Variants in CTNNA3 observed in about 807,000 individuals in gnomAD.
CTNNA3 encodes catenin alpha 3.
Under a neutral mutation model 95.7 loss-of-function variants are expected in CTNNA3, and 76 were observed. The observed-to-expected ratio is 0.79, with a 90% CI of 0.66 to 0.96. CTNNA3 has a LOEUF of 0.96. CTNNA3 is among the 40% of genes least tolerant of loss of function. The pLI is 0.00. For synonymous variants in CTNNA3, 431 were observed against 374.4 expected (o/e 1.15, Z -1.74); for missense variants, 1,191 against 1,089.8 (o/e 1.09, Z -1.31).
At chr10:66,499,454 T>C (rs1840205410) in intron 11 of CTNNA3, among the ~76,000 whole-genome samples, 1 of 152,134 alleles carries the variant, frequency 6.6e-6, no homozygotes, top group African/African-American at 2.4e-5. Flanking sequence ...ATGGCATCCA[T>C]ATTTTGACAT....
rs185945260 is a variant in CTNNA3, at chr10:66,634,884, T to C, written c.1282-13100A>G. On this transcript the variant is annotated intron_variant, in intron 9 of 17. Coordinates refer to ENST00000433211, the MANE Select transcript of CTNNA3 (RefSeq NM_013266.4). ...GATGAAAACACACATACACACAAACTCAAACATATTTGGCTGTTACAGTAT... is the reference window on the plus strand; with the variant it reads ...GATGAAAACACACATACACACAAACCCAAACATATTTGGCTGTTACAGTAT... 5.3e-5 allele frequency among the ~76,000 whole-genome samples: 8 copies of C among 152,188 alleles called. No homozygotes were observed. The East Asian group carries it at 1.5e-3, about 29-fold the overall frequency.
intron 7 of CTNNA3, among the ~76,000 whole-genome samples, chr10:67,051,188 T>A (rs1240217861): frequency 6.6e-6 from 1 of 152,144 alleles, no homozygotes; most frequent in Non-Finnish European, 1.5e-5. Flanking sequence ...CCTGGGTGAA[T>A]TATTATTCCT....
intron 7 of CTNNA3, among the ~76,000 whole-genome samples, chr10:66,785,932 C>T (rs1840722418): frequency 6.6e-6 from 1 of 152,078 alleles, no homozygotes; most frequent in African/African-American, 2.4e-5. Context: ...TTCAGGTGAG[C>T]TTGTGCAAAG....
chr10:66,551,677 A>G (rs970853332), intron 10 of CTNNA3, among the ~76,000 whole-genome samples: 2 of 151,990 alleles, frequency 1.3e-5, no homozygotes, highest in Non-Finnish European at 2.9e-5. Flanking sequence ...GGATCTTGTA[A>G]TACTCTGAAG....
rs925266401 is a variant in CTNNA3, at chr10:66,183,765, A to C, written c.1885-80516T>G. 5.9e-5 allele frequency among the ~76,000 whole-genome samples: 9 copies of C among 152,280 alleles called. No individual in the cohort carries two copies. In the East Asian group the frequency reaches 1.7e-3, roughly 29 times the overall value. ...TTCTTTTTGGTTAGTAGTAAAAGGA[A>C]TCTTTTGTGGGTTTTATTGATACCA... On this transcript the variant is annotated intron_variant, in intron 13 of 17. Transcript: ENST00000433211.
At chr10:67,164,813 A>T (rs1861689607) in intron 7 of CTNNA3, among the ~76,000 whole-genome samples, 1 of 152,212 alleles carries the variant, frequency 6.6e-6, no homozygotes, top group Non-Finnish European at 1.5e-5. Flanking sequence ...TGGCTATTAG[A>T]ATGAAGATCA....
intron 13 of CTNNA3, among the ~76,000 whole-genome samples, chr10:66,189,386 A>G (rs2086529641): frequency 6.7e-6 from 1 of 150,334 alleles, no homozygotes. Flanking sequence ...TTTTGAGTTG[A>G]TTTTGTGTAT....
At chr10:66,649,583 G>C (rs553110315) in intron 9 of CTNNA3, among the ~76,000 whole-genome samples, 1 of 152,128 alleles carries the variant, frequency 6.6e-6, no homozygotes, top group African/African-American at 2.4e-5. Context: ...CCAACTTCAC[G>C]CAGGCACCTA....
At chr10:66,826,382 T>A (rs1842516090) in intron 7 of CTNNA3, among the ~76,000 whole-genome samples, 1 of 152,174 alleles carries the variant, frequency 6.6e-6, no homozygotes, top group African/African-American at 2.4e-5. Context: ...GCTCAAGTGA[T>A]CCTTTCACTT....
At chr10:67,745,727 CT>C (rs1346953618) in intron 1 of CTNNA3, among the ~76,000 whole-genome samples, 3 of 151,926 alleles carry the variant, frequency 2.0e-5, no homozygotes, top group African/African-American at 7.3e-5. Context: ...TTCAGTAAAG[CT>C]TCAGAGTACT....
At chr10:67,089,126 A>G (rs1857481143) in intron 7 of CTNNA3, among the ~76,000 whole-genome samples, 1 of 151,972 alleles carries the variant, frequency 6.6e-6, no homozygotes, top group South Asian at 2.1e-4. Flanking sequence ...GACCCCCCAT[A>G]GGTTTTGCTA....
chr10:65,988,308 T>C lies in CTNNA3; in HGVS notation c.2265+384A>G. ...ACTCTACAAAGGCAATTATTATATG[T>C]CAATTAAAAATAAAACATAATGAAA... On this transcript the variant is annotated intron_variant, in intron 16 of 17. Coordinates refer to ENST00000433211, the MANE Select transcript of CTNNA3 (RefSeq NM_013266.4). Among the ~76,000 whole-genome samples the C allele has an allele frequency of 1.3e-5, 2 of 152,020 alleles. 1 individual carries two copies. The highest frequency in any genetic ancestry group is 3.9e-4 in the East Asian group (2 of 5,190).
chr10:67,224,770 G>A (rs1864816289), intron 5 of CTNNA3, among the ~76,000 whole-genome samples: 1 of 152,202 alleles, frequency 6.6e-6, no homozygotes, highest in Admixed American at 6.5e-5. Context: ...GATCCACTGG[G>A]AGGGCAGCCA....
chr10:67,534,169 C>G, intron 4 of CTNNA3, among the ~76,000 whole-genome samples: 1 of 151,886 alleles, frequency 6.6e-6, no homozygotes, highest in East Asian at 1.9e-4. Context: ...AGGCAGTCCT[C>G]TGTTTTGGGG....
intron 9 of CTNNA3, among the ~76,000 whole-genome samples, chr10:66,623,370 T>C: frequency 6.6e-6 from 1 of 152,138 alleles, no homozygotes. Context: ...TAGATACTTT[T>C]TTATTTTACT....
At chr10:66,027,142 T>A (rs1040026620) in intron 15 of CTNNA3, among the ~76,000 whole-genome samples, 1 of 152,146 alleles carries the variant, frequency 6.6e-6, no homozygotes, top group African/African-American at 2.4e-5. Flanking sequence ...CTGAGTTTGC[T>A]ATGGCTCTAG....
At chr10:67,068,063 A>G (rs1488161863) in intron 7 of CTNNA3, among the ~76,000 whole-genome samples, 1 of 152,220 alleles carries the variant, frequency 6.6e-6, no homozygotes, top group Admixed American at 6.5e-5. Flanking sequence ...TGCCGGGTTC[A>G]TTGTGCAGAA....
At chr10:66,719,195 G>C (rs1472823269) in intron 9 of CTNNA3, among the ~76,000 whole-genome samples, 1 of 151,820 alleles carries the variant, frequency 6.6e-6, no homozygotes, top group African/African-American at 2.4e-5. Flanking sequence ...TTTTCTTGTG[G>C]GTCTGCCTTC....
At chr10:66,332,103 G>A (rs2092337689) in intron 12 of CTNNA3, among the ~76,000 whole-genome samples, 1 of 152,078 alleles carries the variant, frequency 6.6e-6, no homozygotes, top group South Asian at 2.1e-4. Context: ...TTTGTATCCT[G>A]AGACTTTGCT....
Sources: gnomAD v4.1 joint callset for allele counts (sites outside exome capture counted in the v4.1 genomes callset) on GRCh38, gnomAD v4.1.1 for gene constraint, MANE v1.5 for transcripts, NCBI Gene and HGNC (gene_info 2026-07-23, HGNC 2026-07-21) for gene names.